The following ACBD6 variants were observed in gnomAD, a reference collection of about 807,000 sequenced individuals.
ACBD6 encodes the protein acyl-CoA-binding domain-containing protein 6.
A neutral mutation model predicts 37.2 loss-of-function variants in ACBD6; 28 were observed. The ratio of observed to expected loss-of-function variants is 0.75; its 90% CI spans 0.56 to 1.03. The LOEUF (loss-of-function observed/expected upper bound fraction) is 1.03, where lower values mean the gene tolerates loss of function less well. ACBD6 is among the 50% of genes least tolerant of loss of function. The pLI is 0.00. For synonymous variants in ACBD6, 113 were observed against 126.8 expected (o/e 0.89, Z 0.73); for missense variants, 340 against 337.4 (o/e 1.01, Z -0.06).
Position 180,430,266 on chromosome 1 carries a change from TG to T in ACBD6, c.385-5del. ...CTTTTCCTTTCTTCTCTGGTATCTG[TG>T]GGAAGGAGAAAAAAAAGTGAAAAAA... is the stretch of plus-strand genomic sequence containing the variant. On this transcript the variant is annotated splice_region_variant and splice_polypyrimidine_tract_variant and intron_variant, in intron 3 of 7. Coordinates refer to ENST00000367595, the MANE Select transcript of ACBD6 (RefSeq NM_032360.4). 1.2e-6 allele frequency: 2 copies of T among 1,611,968 alleles called. No homozygotes were observed. The highest frequency in any genetic ancestry group is 1.7e-6 in the Non-Finnish European group (2 of 1,178,930).
At chr1:180,499,603 A>T (rs1257888515) in intron 1 of ACBD6, among the ~76,000 whole-genome samples, 2 of 152,198 alleles carry the variant, frequency 1.3e-5, no homozygotes, top group African/African-American at 4.8e-5. Context: ...AACGAAAAAT[A>T]ATATTTTCTA....
chr1:180,318,183 AAAG>A (rs1316425464), intron 6 of ACBD6, among the ~76,000 whole-genome samples: 2 of 144,624 alleles, frequency 1.4e-5, no homozygotes, highest in African/African-American at 2.5e-5. Context: ...CCCAAAAAAA[AAAG>A]AAAGAAAGAA....
rs756702101 is a variant in ACBD6, at chr1:180,274,173, T to C, written c.*937-61A>G. On this transcript the variant is annotated intron_variant, in intron 10 of 13. Transcript: ENST00000642319. ...GGCAGCTGACAATAAATCTCCGTTC[T>C]TTTGTCCACAGAGGATCAAATTCTC... is the stretch of plus-strand genomic sequence containing the variant. 4.3e-6 allele frequency: 7 copies of C among 1,614,204 alleles called. No individual in the cohort carries two copies. Among genetic ancestry groups the C allele is most frequent in the Admixed American group, 1.7e-5 (1 of 60,028 alleles).
At chr1:180,426,110 A>G (rs1429934529) in intron 4 of ACBD6, among the ~76,000 whole-genome samples, 2 of 152,238 alleles carry the variant, frequency 1.3e-5, no homozygotes, top group Admixed American at 6.5e-5. Context: ...TTTGTCTCAC[A>G]GAACAACTAA....
At chr1:180,354,585 G>C (rs1428167914) in intron 6 of ACBD6, among the ~76,000 whole-genome samples, 1 of 152,074 alleles carries the variant, frequency 6.6e-6, no homozygotes, top group Non-Finnish European at 1.5e-5. Flanking sequence ...GTTTTATTTA[G>C]GGCCCCGATA....
chr1:180,480,387 C>G (rs1300258019), intron 3 of ACBD6, among the ~76,000 whole-genome samples: 1 of 152,076 alleles, frequency 6.6e-6, no homozygotes, highest in Non-Finnish European at 1.5e-5. Context: ...CACTTGGTAA[C>G]TAATTAAATA....
chr1:180,422,721 A>G (rs1648419041), intron 4 of ACBD6, among the ~76,000 whole-genome samples: 1 of 152,204 alleles, frequency 6.6e-6, no homozygotes, highest in African/African-American at 2.4e-5. Context: ...GGTTTAGAGT[A>G]TAGTGCTACA....
chr1:180,316,835 G>A (rs866798366), intron 6 of ACBD6, among the ~76,000 whole-genome samples: 1 of 152,242 alleles, frequency 6.6e-6, no homozygotes, highest in Middle Eastern at 3.4e-3. Context: ...TAGTGGCTAG[G>A]GAATCAATAA....
intron 6 of ACBD6, among the ~76,000 whole-genome samples, chr1:180,335,788 A>G (rs1401573167): frequency 1.4e-5 from 2 of 145,810 alleles, no homozygotes; most frequent in African/African-American, 4.9e-5. Context: ...AGTGACACAC[A>G]TAAGCTCAAA....
intron 7 of ACBD6, among the ~76,000 whole-genome samples, chr1:180,295,294 G>A (rs1156458989): frequency 6.8e-5 from 10 of 147,232 alleles, no homozygotes; most frequent in Non-Finnish European, 1.3e-4. Flanking sequence ...TTTTTGAGGC[G>A]GAGTCTTGCT....
intron 3 of ACBD6, among the ~76,000 whole-genome samples, chr1:180,432,004 G>A (rs1230487614): frequency 6.6e-6 from 1 of 152,052 alleles, no homozygotes; most frequent in Non-Finnish European, 1.5e-5. Flanking sequence ...CCAGGAGTTT[G>A]AGACCAGCCT....
chr1:180,273,516 T>C (rs1206674870), intron 11 of ACBD6: 1 of 152,666 alleles, frequency 6.6e-6, no homozygotes, highest in African/African-American at 2.4e-5. Flanking sequence ...TCACCTCTGT[T>C]GGAGAGAGAA....
rs748922240 is a variant in ACBD6 at position 180,502,192 on chromosome 1, G to A, written c.75C>T (p.Ser25=). ...SGGELSSGDD[S]GEVEFPHSPE... is the part of the protein sequence containing the mutation. Reference sequence around the variant, plus strand: ...GGCTATGGGGGAACTCCACCTCCCCGGAGTCGTCCCCTGAGCTCAGCTCTC... The same window carrying A: ...GGCTATGGGGGAACTCCACCTCCCCAGAGTCGTCCCCTGAGCTCAGCTCTC... The change falls in exon 1 of 8, where the codon TCC becomes TCT. Residue 25 remains serine, a synonymous_variant. Coordinates refer to ENST00000367595, the MANE Select transcript of ACBD6 (RefSeq NM_032360.4). 15 of 1,614,058 alleles carry A rather than the reference G, an allele frequency of 9.3e-6. No homozygotes were observed. Among genetic ancestry groups the A allele is most frequent in the Non-Finnish European group, 1.2e-5 (14 of 1,180,018 alleles).
intron 6 of ACBD6, among the ~76,000 whole-genome samples, chr1:180,316,903 A>G (rs922784524): frequency 2.6e-5 from 4 of 152,222 alleles, no homozygotes; most frequent in African/African-American, 4.8e-5. Flanking sequence ...CAATCAAAAC[A>G]GAGTGAGAGA....
chr1:180,394,005 A>G lies in ACBD6; in HGVS notation c.663+3511T>C, dbSNP rs1466116515. On this transcript the variant is annotated intron_variant, in intron 6 of 7. Transcript: ENST00000367595. Reference sequence around the variant, plus strand: ...TATCCAAACAAATAGAACGTAAGAAATCCGCAAGGCAAAAACCTCAGGCAA... The same window carrying G: ...TATCCAAACAAATAGAACGTAAGAAGTCCGCAAGGCAAAAACCTCAGGCAA... Among the ~76,000 whole-genome samples, 6 of 152,224 alleles carry G rather than the reference A, an allele frequency of 3.9e-5. 1 individual carries two copies. The highest frequency in any genetic ancestry group is 8.8e-5 in the Non-Finnish European group (6 of 68,034).
At chr1:180,437,604 T>TA (rs983879264) in intron 3 of ACBD6, among the ~76,000 whole-genome samples, 1 of 152,028 alleles carries the variant, frequency 6.6e-6, no homozygotes. Flanking sequence ...ATTTTATATG[T>TA]AAAAAAATCC....
chr1:180,388,968 G>A (rs1653958806), intron 6 of ACBD6, among the ~76,000 whole-genome samples: 1 of 152,028 alleles, frequency 6.6e-6, no homozygotes, highest in Non-Finnish European at 1.5e-5. Flanking sequence ...TTTTAAGATG[G>A]TACTATTCCC....
intron 4 of ACBD6, among the ~76,000 whole-genome samples, chr1:180,425,860 C>T (rs1648563340): frequency 6.6e-6 from 1 of 152,044 alleles, no homozygotes; most frequent in Non-Finnish European, 1.5e-5. Flanking sequence ...ACCAAGAATA[C>T]AAAATTAAAG....
chr1:180,452,641 G>T (rs993046748), intron 3 of ACBD6, among the ~76,000 whole-genome samples: 14 of 151,880 alleles, frequency 9.2e-5, no homozygotes, highest in African/African-American at 2.7e-4. Context: ...CTGATTTTTT[G>T]AAAAGATTAA....
Sources: gnomAD v4.1 joint callset for allele counts (sites outside exome capture counted in the v4.1 genomes callset) on GRCh38, gnomAD v4.1.1 for gene constraint, MANE v1.5 for transcripts, NCBI Gene and HGNC (gene_info 2026-07-23, HGNC 2026-07-21) for gene names.